SPATS2L: variants seen among roughly 807,000 people sequenced by gnomAD.
The protein encoded by SPATS2L is SPATS2-like protein.
A neutral mutation model predicts 59.6 loss-of-function variants in SPATS2L; 30 were observed. That is an observed-to-expected ratio of 0.50 (90% CI 0.38 to 0.68). The LOEUF is 0.68. Ranked by LOEUF, SPATS2L falls within the 30% of genes least tolerant of loss-of-function variation. The pLI, the probability that SPATS2L is intolerant of heterozygous loss-of-function variation, is 0.00. For missense variants in SPATS2L, 615 were observed against 700.0 expected (o/e 0.88, Z 1.37); for synonymous variants, 252 against 263.5 (o/e 0.96, Z 0.42).
chr2:200,470,483 G>A (rs2086943707), intron 11 of SPATS2L, among the ~76,000 whole-genome samples: 1 of 152,216 alleles, frequency 6.6e-6, no homozygotes, highest in South Asian at 2.1e-4. Flanking sequence ...TGAGGCTGCA[G>A]ATAATGAAAG....
intron 1 of SPATS2L, among the ~76,000 whole-genome samples, chr2:200,310,886 C>T (rs1171897314): frequency 6.6e-6 from 1 of 152,186 alleles, no homozygotes; most frequent in Non-Finnish European, 1.5e-5. Context: ...TCAAGTCAGC[C>T]TGCCCTGATC....
At chr2:200,324,632 A>G (rs2079672814) in intron 1 of SPATS2L, among the ~76,000 whole-genome samples, 1 of 152,174 alleles carries the variant, frequency 6.6e-6, no homozygotes, top group Non-Finnish European at 1.5e-5. Context: ...AAGAAGCAAG[A>G]TGTGTCTCCA....
At chr2:200,343,512 G>A (rs1437515283) in intron 2 of SPATS2L, among the ~76,000 whole-genome samples, 1 of 152,112 alleles carries the variant, frequency 6.6e-6, no homozygotes, top group Non-Finnish European at 1.5e-5. Context: ...AGTATATGAT[G>A]CCCTTTCTAG....
chr2:200,443,942 A>G (rs1472760402), intron 8 of SPATS2L, among the ~76,000 whole-genome samples: 1 of 152,226 alleles, frequency 6.6e-6, no homozygotes, highest in Non-Finnish European at 1.5e-5. Flanking sequence ...GTAAAATCAA[A>G]GTTGGCATTT....
chr2:200,367,598 G>A (rs374192301), intron 2 of SPATS2L, among the ~76,000 whole-genome samples: 1 of 152,202 alleles, frequency 6.6e-6, no homozygotes, highest in East Asian at 1.9e-4. Context: ...TTTGCGTGCA[G>A]CGTTTGCATT....
chr2:200,319,287 C>T lies in SPATS2L; in HGVS notation c.-72-10144C>T, dbSNP rs572162479. The stretch of plus-strand genomic sequence containing the variant: ...CCATCTTAAAAATAGTGCATCTGGC[C>T]GGATGTTATGGCTCACGCCTGTAAT... On this transcript the variant is annotated intron_variant, in intron 1 of 12. Transcript: ENST00000409140. 6.6e-5 allele frequency among the ~76,000 whole-genome samples: 10 copies of T among 152,258 alleles called. No individual in the cohort carries two copies. In the South Asian group the frequency reaches 1.0e-3, roughly 16 times the overall value.
At chr2:200,432,533 C>G (rs922215294) in intron 6 of SPATS2L, among the ~76,000 whole-genome samples, 9 of 152,084 alleles carry the variant, frequency 5.9e-5, no homozygotes, top group Non-Finnish European at 1.2e-4. Context: ...AAGTCAAAAC[C>G]CTTTAAAGGA....
chr2:200,366,503 A>C, intron 2 of SPATS2L, among the ~76,000 whole-genome samples: 1 of 152,214 alleles, frequency 6.6e-6, no homozygotes, highest in Non-Finnish European at 1.5e-5. Flanking sequence ...AGTGAATATA[A>C]TTAAATAAAC....
At chr2:200,424,603 T>C (rs1380295751) in intron 6 of SPATS2L, among the ~76,000 whole-genome samples, 1 of 152,206 alleles carries the variant, frequency 6.6e-6, no homozygotes, top group Admixed American at 6.5e-5. Flanking sequence ...GGGTCTAATT[T>C]TCCCAAATGT....
chr2:200,459,479 C>A (rs1469270897), intron 8 of SPATS2L, among the ~76,000 whole-genome samples: 1 of 152,124 alleles, frequency 6.6e-6, no homozygotes, highest in Non-Finnish European at 1.5e-5. Flanking sequence ...CAAAAATATT[C>A]CCAAATTTAA....
intron 2 of SPATS2L, among the ~76,000 whole-genome samples, chr2:200,386,422 G>A (rs1574348530): frequency 6.6e-6 from 1 of 152,138 alleles, no homozygotes; most frequent in Non-Finnish European, 1.5e-5. Flanking sequence ...TTAGACTTGA[G>A]GTCAAAGAGA....
chr2:200,434,224 T>C (rs73986897), intron 6 of SPATS2L, among the ~76,000 whole-genome samples: 3,668 of 151,954 alleles, frequency 0.024, 155 homozygotes, highest in African/African-American at 0.083. Context: ...AATAAAAAAT[T>C]CACTTGACAA....
Position 200,478,049 on chromosome 2 carries a change from C to A in SPATS2L, c.*18C>A. ...TGGCCTGAGCTAGGAGGAAAAAGAGCAGTTTTCACTCAGTTTTGGTTCCCT... is the reference window on the plus strand; with the variant it reads ...TGGCCTGAGCTAGGAGGAAAAAGAGAAGTTTTCACTCAGTTTTGGTTCCCT... On this transcript the variant is annotated 3_prime_UTR_variant, in exon 13 of 13. Coordinates refer to ENST00000409140, the MANE Select transcript of SPATS2L (RefSeq NM_001100423.2). 1 of 1,523,258 alleles carries A rather than the reference C, an allele frequency of 6.6e-7. No homozygotes were observed. Among genetic ancestry groups the A allele is most frequent in the Non-Finnish European group, 8.8e-7 (1 of 1,137,396 alleles). 94.4% of individuals were successfully genotyped at this position (1,523,258 alleles called of 1,614,324 possible).
At chr2:200,377,008 A>G (rs1360341158) in intron 2 of SPATS2L, among the ~76,000 whole-genome samples, 1 of 152,210 alleles carries the variant, frequency 6.6e-6, no homozygotes, top group African/African-American at 2.4e-5. Context: ...CACCTGTAAA[A>G]TGAGGACAGT....
chr2:200,477,939 A>G lies in SPATS2L; in HGVS notation c.1585A>G (p.Arg529Gly), dbSNP rs1413818891. ...EARPFRGSVG[R>G]VSQCNLCPTR... ...CAGGCCCTTCCGGGGTAGTGTCGGT[A>G]GGGTTTCACAGTGCAATCTCTGCCC... is the stretch of plus-strand genomic sequence containing the variant. The change falls in exon 13 of 13, where the codon AGG becomes GGG. Residue 529 changes from arginine to glycine, a missense_variant. Transcript: ENST00000409140. The G allele has an allele frequency of 6.2e-7, 1 of 1,611,624 alleles. No individual in the cohort carries two copies. The highest frequency in any genetic ancestry group is 2.2e-5 in the East Asian group (1 of 44,896).
intron 1 of SPATS2L, among the ~76,000 whole-genome samples, chr2:200,312,184 T>C (rs1475719657): frequency 6.6e-6 from 1 of 152,202 alleles, no homozygotes; most frequent in Non-Finnish European, 1.5e-5. Flanking sequence ...TGTTCCTGGA[T>C]AGCATCCAGC....
At position 200,427,752 on chromosome 2, in the gene SPATS2L, T is replaced by C. The variant is rs541724289; in HGVS notation, c.445+8256T>C. ...GTGTCTGCTGCATAAACCTGTCTAT[T>C]TTGGTCTCTGTTCCAAAGTTATTGT... On this transcript the variant is annotated intron_variant, in intron 6 of 12. Coordinates refer to ENST00000409140, the MANE Select transcript of SPATS2L (RefSeq NM_001100423.2). Among the ~76,000 whole-genome samples, 6 of 152,276 alleles carry C rather than the reference T, an allele frequency of 3.9e-5. No individual in the cohort carries two copies. In the East Asian group the frequency reaches 1.2e-3, roughly 29 times the overall value.
chr2:200,435,550 A>G (rs548194256), intron 6 of SPATS2L, among the ~76,000 whole-genome samples: 8 of 152,294 alleles, frequency 5.3e-5, no homozygotes, highest in African/African-American at 1.7e-4. Context: ...CATGCATAGC[A>G]CTGAAGTAAC....
At chr2:200,307,035 C>T (rs1205441234) in intron 1 of SPATS2L, 113 bp downstream of exon 1, 30 of 894,906 alleles carry the variant, frequency 3.4e-5, no homozygotes, top group Admixed American at 6.2e-5. Flanking sequence ...CATTCCGCAG[C>T]CCGGGCCGCC....
Sources: allele counts gnomAD v4.1 joint callset (sites outside exome capture counted in the v4.1 genomes callset), GRCh38; gene constraint gnomAD v4.1.1; transcripts MANE v1.5; gene names NCBI Gene and HGNC (gene_info 2026-07-23, HGNC 2026-07-21).